SGCD: variants seen among roughly 807,000 people sequenced by gnomAD.
The protein encoded by SGCD is delta-sarcoglycan.
Under a neutral mutation model 36.6 loss-of-function variants are expected in SGCD, and 18 were observed. The ratio of observed to expected loss-of-function variants is 0.49; its 90% CI spans 0.34 to 0.73. The LOEUF (loss-of-function observed/expected upper bound fraction) is 0.73, where lower values mean the gene tolerates loss of function less well. Ranked by LOEUF, SGCD falls within the 30% of genes least tolerant of loss-of-function variation. SGCD has a pLI of 0.01. For synonymous variants in SGCD, 133 were observed against 130.6 expected (o/e 1.02, Z -0.12); for missense variants, 387 against 346.7 (o/e 1.12, Z -0.92).
At chr5:155,894,103 A>T (rs1256329068) in intron 1 of SGCD, among the ~76,000 whole-genome samples, 2 of 152,198 alleles carry the variant, frequency 1.3e-5, no homozygotes, top group Non-Finnish European at 2.9e-5. Context: ...GAATGTGAAG[A>T]CCTAGGACAT....
At chr5:156,412,787 C>CTTTTT (rs35464853) in intron 3 of SGCD, among the ~76,000 whole-genome samples, 1 of 105,018 alleles carries the variant, frequency 9.5e-6, no homozygotes. Flanking sequence ...AGGGTTGGTT[C>CTTTTT]TTTTTTTTTT....
chr5:156,311,465 T>C (rs1413609734), intron 3 of SGCD, among the ~76,000 whole-genome samples: 1 of 152,222 alleles, frequency 6.6e-6, no homozygotes, highest in Non-Finnish European at 1.5e-5. Flanking sequence ...TATGCATATA[T>C]AGAAGTAAAT....
chr5:156,682,932 CTCT>C (rs1225921829), intron 7 of SGCD, among the ~76,000 whole-genome samples: 1 of 152,180 alleles, frequency 6.6e-6, no homozygotes, highest in Non-Finnish European at 1.5e-5. Context: ...CCCGTGCATC[CTCT>C]TCTTTGCACA....
At position 156,570,578 on chromosome 5, in the gene SGCD, TG is replaced by T. The variant is rs1417348055; in HGVS notation, c.295-18652del. Among the ~76,000 whole-genome samples, 4 of 152,234 alleles carry T rather than the reference TG, an allele frequency of 2.6e-5. No homozygotes were observed. The South Asian group carries it at 8.3e-4, about 32-fold the overall frequency. ...TTATATGCAGTCTCTGTGGAGTACA[TG>T]AATGCTTTTTGCCTTAAATACTGTT... is the stretch of plus-strand genomic sequence containing the variant. On this transcript the variant is annotated intron_variant, in intron 4 of 8. Transcript: ENST00000337851.
chr5:156,675,631 A>G (rs1753476598), intron 7 of SGCD, among the ~76,000 whole-genome samples: 3 of 152,192 alleles, frequency 2.0e-5, no homozygotes, highest in South Asian at 4.1e-4. Flanking sequence ...CAGAAACTTA[A>G]GCACTACATA....
chr5:156,011,202 G>C (rs1204411670), intron 1 of SGCD, among the ~76,000 whole-genome samples: 2 of 152,094 alleles, frequency 1.3e-5, no homozygotes, highest in Non-Finnish European at 2.9e-5. Context: ...TAATGGCTCT[G>C]TGTTATTAAA....
At chr5:156,634,106 C>T (rs1287203564) in intron 6 of SGCD, among the ~76,000 whole-genome samples, 9 of 152,180 alleles carry the variant, frequency 5.9e-5, no homozygotes, top group Non-Finnish European at 1.3e-4. Context: ...CAAGTCACTC[C>T]TCTCTCCTCT....
At chr5:155,866,545 T>C (rs192385833), upstream of SGCD, among the ~76,000 whole-genome samples, 92 of 152,322 alleles carry the variant, frequency 6.0e-4, 2 homozygotes, top group East Asian at 0.011. Flanking sequence ...GTTTTACAAA[T>C]GAAGAAACTG....
chr5:155,995,986 C>CAAAAAAAAAAAAAA (rs753195795), intron 1 of SGCD, among the ~76,000 whole-genome samples: 1 of 46,266 alleles, frequency 2.2e-5, no homozygotes, highest in African/African-American at 5.6e-5. Flanking sequence ...CAGACCACAC[C>CAAAAAAAAAAAAAA]AAAAAAAAAA....
intron 3 of SGCD, among the ~76,000 whole-genome samples, chr5:156,241,257 TG>T (rs1765298833): frequency 1.3e-5 from 2 of 148,264 alleles, no homozygotes; most frequent in Non-Finnish European, 3.0e-5. Flanking sequence ...AAAACGTGTG[TG>T]TGTGTGTGTG....
chr5:156,567,241 C>T (rs1581178897), intron 4 of SGCD, among the ~76,000 whole-genome samples: 1 of 151,186 alleles, frequency 6.6e-6, no homozygotes. Context: ...CTACCTTTCT[C>T]AGTTAGTATT....
intron 1 of SGCD, among the ~76,000 whole-genome samples, chr5:155,953,825 A>G (rs530703164): frequency 6.6e-6 from 1 of 152,320 alleles, no homozygotes; most frequent in African/African-American, 2.4e-5. Context: ...TGCCAGACTT[A>G]ATATTAATTT....
chr5:156,156,064 C>G (rs1440229615), intron 3 of SGCD, among the ~76,000 whole-genome samples: 2 of 151,708 alleles, frequency 1.3e-5, no homozygotes. Flanking sequence ...AGTATTTCTT[C>G]TTCTTTCTAG....
At chr5:156,148,908 G>A (rs192059005) in intron 3 of SGCD, among the ~76,000 whole-genome samples, 35 of 152,248 alleles carry the variant, frequency 2.3e-4, no homozygotes, top group Non-Finnish European at 4.0e-4. Flanking sequence ...AGGTATATCC[G>A]CAAGAGTGCT....
At chr5:156,060,306 C>T (rs1197899409) in intron 1 of SGCD, among the ~76,000 whole-genome samples, 1 of 145,658 alleles carries the variant, frequency 6.9e-6, no homozygotes, top group Non-Finnish European at 1.5e-5. Flanking sequence ...CAGTGAAGCA[C>T]CTGTCAAAAT....
At chr5:156,651,607 A>G (rs1312295092) in intron 7 of SGCD, among the ~76,000 whole-genome samples, 4 of 152,070 alleles carry the variant, frequency 2.6e-5, no homozygotes, top group Non-Finnish European at 5.9e-5. Context: ...TTAAATAGCT[A>G]TAGGTATGAG....
intron 7 of SGCD, among the ~76,000 whole-genome samples, chr5:156,750,829 A>G (rs1441594457): frequency 1.3e-5 from 2 of 152,228 alleles, no homozygotes; most frequent in Admixed American, 1.3e-4. Flanking sequence ...TAGGATATCT[A>G]TATTCCAGGG....
chr5:155,903,378 T>C (rs1756430335), intron 1 of SGCD, among the ~76,000 whole-genome samples: 1 of 152,200 alleles, frequency 6.6e-6, no homozygotes, highest in South Asian at 2.1e-4. Flanking sequence ...TTTTTTGTTG[T>C]TGTTGCTGCT....
chr5:156,739,787 T>G (rs529104229), intron 7 of SGCD: 20 of 152,218 alleles, frequency 1.3e-4, no homozygotes, highest in Non-Finnish European at 2.8e-4. Context: ...CTGGGTTTAA[T>G]CTACAAGTCT....
Sources: gnomAD v4.1 joint callset for allele counts (sites outside exome capture counted in the v4.1 genomes callset) on GRCh38, gnomAD v4.1.1 for gene constraint, MANE v1.5 for transcripts, NCBI Gene and HGNC (gene_info 2026-07-23, HGNC 2026-07-21) for gene names.